Variants in RBM19 observed in about 807,000 individuals in gnomAD.
The protein encoded by RBM19 is RNA binding motif protein 19.
A neutral mutation model predicts 116.8 loss-of-function variants in RBM19; 94 were observed. The ratio of observed to expected loss-of-function variants is 0.80; its 90% CI spans 0.68 to 0.95. The LOEUF is 0.95. RBM19 is among the 40% of genes least tolerant of loss of function. The pLI is 0.00. For missense variants in RBM19, 1,161 were observed against 1,220.7 expected, an observed-to-expected ratio of 0.95 and a Z score of 0.73; for synonymous variants, 475 against 494.1, an observed-to-expected ratio of 0.96 and a Z score of 0.51.
intron 17 of RBM19, among the ~76,000 whole-genome samples, chr12:113,926,518 C>T (rs2135877339): frequency 6.6e-6 from 1 of 152,276 alleles, no homozygotes; most frequent in East Asian, 1.9e-4. Flanking sequence ...ATCGCTGGTC[C>T]ACTTCCTTCT....
At chr12:113,837,609 T>C (rs1466693310) in intron 23 of RBM19, among the ~76,000 whole-genome samples, 2 of 152,102 alleles carry the variant, frequency 1.3e-5, no homozygotes, top group African/African-American at 4.8e-5. Context: ...TTGCCTGAGG[T>C]CACAGAACGG....
At chr12:113,835,977 C>T (rs1020759261) in intron 23 of RBM19, among the ~76,000 whole-genome samples, 1 of 152,246 alleles carries the variant, frequency 6.6e-6, no homozygotes, top group African/African-American at 2.4e-5. Context: ...TATATTCTCT[C>T]GGCTGCGCTC....
chr12:113,849,155 G>A (rs1877242213), intron 22 of RBM19, among the ~76,000 whole-genome samples: 3 of 152,216 alleles, frequency 2.0e-5, no homozygotes, highest in Admixed American at 2.0e-4. Flanking sequence ...CCCTCCCTGT[G>A]CCCTGGACAC....
At position 113,895,587 on chromosome 12, in the gene RBM19, C is replaced by T. The variant is rs575084255; in HGVS notation, c.2558+19382G>A. Among the ~76,000 whole-genome samples, 23 of 152,226 alleles carry T rather than the reference C, an allele frequency of 1.5e-4. No individual in the cohort carries two copies. The East Asian group carries it at 1.9e-3, about 13-fold the overall frequency. Reference sequence around the variant, plus strand: ...TAAATGGACACAACACTATCACATCCGTCGCCTACAGGTTCACATATGTAC... The same window carrying T: ...TAAATGGACACAACACTATCACATCTGTCGCCTACAGGTTCACATATGTAC... On this transcript the variant is annotated intron_variant, in intron 21 of 23. Transcript: ENST00000261741.
chr12:113,858,779 T>C lies in RBM19; in HGVS notation c.2664+12A>G. The C allele has an allele frequency of 6.2e-7, 1 of 1,612,892 alleles. No individual in the cohort carries two copies. The highest frequency in any genetic ancestry group is 8.5e-7 in the Non-Finnish European group (1 of 1,179,230). On this transcript the variant is annotated intron_variant, in intron 22 of 23. Transcript: ENST00000261741. ...AGGCCTGGACAGGTGGGGAAGGGAT[T>C]CACGGTCTCACCTTCGCATCCTGCT...
chr12:113,823,638 C>T (rs773474471), intron 23 of RBM19, among the ~76,000 whole-genome samples: 2 of 152,100 alleles, frequency 1.3e-5, no homozygotes, highest in African/African-American at 2.4e-5. Flanking sequence ...CTGCCTCCCT[C>T]GCACCCCCAG....
At chr12:113,859,606 C>T (rs552061316) in intron 21 of RBM19, among the ~76,000 whole-genome samples, 1 of 152,114 alleles carries the variant, frequency 6.6e-6, no homozygotes, top group Non-Finnish European at 1.5e-5. Context: ...CCATCCCCCC[C>T]GGTTCCCTTC....
At chr12:113,912,237 G>A (rs964149961) in intron 21 of RBM19, among the ~76,000 whole-genome samples, 17 of 152,184 alleles carry the variant, frequency 1.1e-4, no homozygotes, top group African/African-American at 7.2e-5. Context: ...AATGCTCTCC[G>A]GAGCCCTGCA....
chr12:113,837,747 C>T (rs1318515851), intron 23 of RBM19, among the ~76,000 whole-genome samples: 2 of 152,204 alleles, frequency 1.3e-5, no homozygotes, highest in African/African-American at 4.8e-5. Context: ...AGCTGGGTGC[C>T]CTTGGGCAAG....
chr12:113,888,470 T>C (rs1346598221), intron 21 of RBM19, among the ~76,000 whole-genome samples: 1 of 152,192 alleles, frequency 6.6e-6, no homozygotes, highest in Admixed American at 6.5e-5. Context: ...CACTCTTCAC[T>C]GTCCACATGA....
rs754688025 is a variant in RBM19 at position 113,920,652 on chromosome 12, T to C, written c.2344A>G (p.Arg782Gly). Residue 782 changes from arginine to glycine, a missense_variant, in exon 19 of 24, where the codon AGG (arginine) becomes GGG (glycine). Physicochemically the swap from Arg to Gly is moderately radical, Grantham distance 125. Coordinates refer to ENST00000261741, the MANE Select transcript of RBM19 (RefSeq NM_016196.4). ...GCTTTCTGGGCTTGCTCCGGCTTCC[T>C]GTATTCCACAAATCCAAACCCCATG... ...LSMGFGFVEYRKPEQAQKALK... is the reference protein window; with the variant it reads ...LSMGFGFVEYGKPEQAQKALK... 7.4e-6 allele frequency: 12 copies of C among 1,614,038 alleles called. No individual in the cohort carries two copies. Among genetic ancestry groups the C allele is most frequent in the Non-Finnish European group, 1.0e-5 (12 of 1,180,016 alleles).
intron 21 of RBM19, among the ~76,000 whole-genome samples, chr12:113,868,989 C>T (rs1165527840): frequency 1.3e-5 from 2 of 152,216 alleles, no homozygotes; most frequent in Non-Finnish European, 2.9e-5. Context: ...CAACGTCCCC[C>T]AGCCCACACA....
At chr12:113,819,681 C>CTA (rs551283592), downstream of RBM19, among the ~76,000 whole-genome samples, 146 of 152,330 alleles carry the variant, frequency 9.6e-4, no homozygotes, top group African/African-American at 2.3e-3. Context: ...ACAGCGGTGA[C>CTA]TCAGTCCCTT....
chr12:113,928,761 A>T (rs1238581930), intron 16 of RBM19, among the ~76,000 whole-genome samples: 1 of 151,712 alleles, frequency 6.6e-6, no homozygotes, highest in Non-Finnish European at 1.5e-5. Context: ...AGCCTCAGGA[A>T]GTTGGAAGAG....
At chr12:113,890,233 T>C (rs753252047) in intron 21 of RBM19, among the ~76,000 whole-genome samples, 89 of 152,246 alleles carry the variant, frequency 5.8e-4, no homozygotes, top group Non-Finnish European at 1.1e-3. Context: ...CTAATGATTC[T>C]GGGGCTGCCG....
chr12:113,902,741 C>T (rs1357881523), intron 21 of RBM19, among the ~76,000 whole-genome samples: 1 of 152,096 alleles, frequency 6.6e-6, no homozygotes, highest in African/African-American at 2.4e-5. Context: ...TCCCTTTTTA[C>T]TGCTGAGCAG....
intron 17 of RBM19, 147 bp downstream of exon 17, chr12:113,926,907 A>G: frequency 1.1e-6 from 1 of 934,988 alleles, no homozygotes; most frequent in South Asian, 1.7e-5. Context: ...CCCCAGGGGA[A>G]AGGGTCAAGT....
Position 113,945,865 on chromosome 12 carries a change from T to G in RBM19, c.1589A>C (p.Gln530Pro), listed in dbSNP as rs753411509. Residue 530 changes from glutamine (Q) to proline (P), a missense_variant, in exon 13 of 24, where the codon CAG becomes CCG. By Grantham distance (76) the Gln-to-Pro change is moderately conservative. Coordinates refer to ENST00000261741, the MANE Select transcript of RBM19 (RefSeq NM_016196.4). ...TTGACTCTTGGTGGCGTTGTACTTCTGTGCGATGGCATCGGCCACGGCATT... is the reference window on the plus strand; with the variant it reads ...TTGACTCTTGGTGGCGTTGTACTTCGGTGCGATGGCATCGGCCACGGCATT... The part of the protein sequence containing the change: ...GPNAVADAIA[Q>P]KYNATKSQVF... 35 of 1,590,106 alleles carry G rather than the reference T, an allele frequency of 2.2e-5. No homozygotes were observed. The highest frequency in any genetic ancestry group is 2.7e-5 in the Non-Finnish European group (31 of 1,158,268).
At chr12:113,932,933 C>A (rs896364019) in intron 16 of RBM19, among the ~76,000 whole-genome samples, 1 of 152,094 alleles carries the variant, frequency 6.6e-6, no homozygotes. Context: ...TCCAGTCACG[C>A]ATCGCCACAT....
Sources: allele counts gnomAD v4.1 joint callset (sites outside exome capture counted in the v4.1 genomes callset), GRCh38; gene constraint gnomAD v4.1.1; transcripts MANE v1.5; gene names NCBI Gene and HGNC (gene_info 2026-07-23, HGNC 2026-07-21).